Variants in CEACAM3 observed in about 807,000 individuals in gnomAD.
CEACAM3 encodes the protein cell adhesion molecule CEACAM3.
A neutral mutation model predicts 30.1 loss-of-function variants in CEACAM3; 32 were observed. That is an observed-to-expected ratio of 1.06 (90% CI 0.80 to 1.43). The LOEUF is 1.43. Ranked by LOEUF, CEACAM3 falls within the 40% of genes most tolerant of loss-of-function variation. The probability of loss-of-function intolerance (pLI) is 0.00; values close to 1 mark genes in which losing one functional copy is unlikely to be tolerated. For missense variants in CEACAM3, 290 were observed against 316.3 expected (o/e 0.92, Z 0.63); for synonymous variants, 134 against 127.2 (o/e 1.05, Z -0.36).
chr19:41,810,522 G>A (rs543380385), intron 5 of CEACAM3, among the ~76,000 whole-genome samples, 168 bp downstream of exon 5: 1 of 151,880 alleles, frequency 6.6e-6, no homozygotes, highest in East Asian at 1.9e-4. Context: ...ACAGGGTCAG[G>A]ACCACCCACG....
At position 41,808,935 on chromosome 19, in the gene CEACAM3, C is replaced by T. The variant is rs782615927; in HGVS notation, c.542+5C>T. 27 of 1,560,452 alleles carry T rather than the reference C, an allele frequency of 1.7e-5. No individual in the cohort carries two copies. The Admixed American group carries it at 5.1e-4, about 30-fold the overall frequency. On this transcript the variant is annotated splice_donor_5th_base_variant and intron_variant, in intron 3 of 6. Coordinates refer to ENST00000357396, the MANE Select transcript of CEACAM3 (RefSeq NM_001815.5). ...GCTCCTTGCCAAAACTGGAAGGTACCACAGCTTTTTCCCATCCTTCTCCCA... is the reference window on the plus strand; with the variant it reads ...GCTCCTTGCCAAAACTGGAAGGTACTACAGCTTTTTCCCATCCTTCTCCCA...
chr19:41,803,748 G>T (rs1170144203), intron 2 of CEACAM3, among the ~76,000 whole-genome samples: 1,520 of 46,120 alleles, frequency 0.033, 139 homozygotes, highest in Middle Eastern at 0.15. Flanking sequence ...TTACAGGCAT[G>T]AGCCACCATG....
At chr19:41,810,470 G>A (rs1568744471) in intron 5 of CEACAM3, 116 bp downstream of exon 5, 11 of 1,220,636 alleles carry the variant, frequency 9.0e-6, no homozygotes, top group African/African-American at 3.0e-5. Context: ...AAAACACACA[G>A]GACAAGGCTA....
rs782114647 is a variant in CEACAM3 at position 41,808,863 on chromosome 19, G to A, written c.475G>A (p.Gly159Arg). The A allele has an allele frequency of 1.8e-5, 29 of 1,610,930 alleles. No individual in the cohort carries two copies. Among genetic ancestry groups the A allele is most frequent in the Middle Eastern group, 1.7e-4 (1 of 6,058 alleles). The part of the protein sequence containing the change: ...PVGAVAGIVT[G>R]VLVGVALVAA... The stretch of plus-strand genomic sequence containing the variant: ...GGGGGCCGTCGCCGGCATCGTGACC[G>A]GGGTCCTGGTCGGAGTGGCGCTGGT... Residue 159 changes from glycine (G) to arginine (R), a missense_variant, in exon 3 of 7, where the codon GGG (glycine) becomes AGG (arginine). Coordinates refer to ENST00000357396, the MANE Select transcript of CEACAM3 (RefSeq NM_001815.5).
chr19:41,807,895 G>T (rs535051582), intron 2 of CEACAM3, among the ~76,000 whole-genome samples: 1 of 152,294 alleles, frequency 6.6e-6, no homozygotes, highest in African/African-American at 2.4e-5. Flanking sequence ...TTTGTCAGTG[G>T]AATGCTCCAG....
chr19:41,803,530 T>G (rs1285663614), intron 2 of CEACAM3, among the ~76,000 whole-genome samples: 1 of 150,704 alleles, frequency 6.6e-6, no homozygotes, highest in Admixed American at 6.7e-5. Context: ...GAAGTGATGC[T>G]ATCTCAGCTC....
At chr19:41,810,620 G>A (rs1005149610) in intron 5 of CEACAM3, among the ~76,000 whole-genome samples, 2 of 152,166 alleles carry the variant, frequency 1.3e-5, no homozygotes, top group East Asian at 3.8e-4. Context: ...GGGACCATCA[G>A]TCAGGGGCCC....
Position 41,810,115 on chromosome 19 carries a change from C to T in CEACAM3, c.595+98C>T. 3.6e-6 allele frequency: 5 copies of T among 1,378,360 alleles called. No individual in the cohort carries two copies. In the South Asian group the frequency reaches 4.8e-5, roughly 13 times the overall value. The allele number at this position is 1,378,360 out of a possible 1,614,324, so 85.4% of individuals were successfully genotyped here. A position where few individuals can be genotyped will look rare whatever the true frequency, so the allele number is the denominator to read the frequency against. On this transcript the variant is annotated intron_variant, in intron 4 of 6. Coordinates refer to ENST00000357396, the MANE Select transcript of CEACAM3 (RefSeq NM_001815.5). Reference sequence around the variant, plus strand: ...ACTGCCAGGCAGACTCTGATCCTTTCCCGGGGGCTGCAAGGAGGATCTCAT... The same window carrying T: ...ACTGCCAGGCAGACTCTGATCCTTTTCCGGGGGCTGCAAGGAGGATCTCAT...
intron 2 of CEACAM3, among the ~76,000 whole-genome samples, chr19:41,804,279 CAT>C (rs1491488685): frequency 1.8e-5 from 2 of 109,592 alleles, no homozygotes; most frequent in African/African-American, 2.5e-5. Flanking sequence ...GTTCCACACA[CAT>C]GTGTCCCTCA....
At position 41,810,852 on chromosome 19, in the gene CEACAM3, C is replaced by T; in HGVS notation, c.648C>T (p.Ala216=). The T allele has an allele frequency of 6.2e-7, 1 of 1,613,500 alleles. No individual in the cohort carries two copies. The highest frequency in any genetic ancestry group is 8.5e-7 in the Non-Finnish European group (1 of 1,179,698). Residue 216 remains alanine (A), a synonymous_variant, in exon 6 of 7, where the codon GCC becomes GCT. Transcript: ENST00000357396. The part of the protein sequence containing the change: ...SAFSMSPLST[A]QAPLPNPRTA... ...CACAGATGTCCCCTCTCTCCACTGC[C>T]CAGGCCCCCCTACCCAACCCCAGGA...
chr19:41,806,030 T>C (rs2073196920), intron 2 of CEACAM3, among the ~76,000 whole-genome samples: 1 of 151,890 alleles, frequency 6.6e-6, no homozygotes, highest in South Asian at 2.1e-4. Flanking sequence ...GTTGTTGTTG[T>C]TTGTTGTTTG....
At chr19:41,811,121 C>T in intron 6 of CEACAM3, 51 bp from the exon 7 acceptor site, 1 of 1,589,066 alleles carries the variant, frequency 6.3e-7, no homozygotes, top group Non-Finnish European at 8.6e-7. Flanking sequence ...AGACGCCACA[C>T]CCTGTTCTGA....
chr19:41,809,752 T>C, intron 3 of CEACAM3: 1 of 547,018 alleles, frequency 1.8e-6, no homozygotes, highest in Non-Finnish European at 3.3e-6. Context: ...GGCATCTGCC[T>C]GAGGGTCCTT....
At position 41,811,507 on chromosome 19, in the gene CEACAM3, C is replaced by T; in HGVS notation, c.*270C>T. 2.2e-6 allele frequency: 1 copy of T among 463,472 alleles called. No homozygotes were observed. The highest frequency in any genetic ancestry group is 4.0e-6 in the Non-Finnish European group (1 of 252,206). The allele number at this position is 463,472 out of a possible 1,614,324, so 28.7% of individuals were successfully genotyped here. ...GGAAAGTGAATGGGCCTGTGGCCCA[C>T]CTGGGGTCACTTGGAAAGGATCTGA... is the stretch of plus-strand genomic sequence containing the variant. On this transcript the variant is annotated 3_prime_UTR_variant, in exon 7 of 7. Coordinates refer to ENST00000357396, the MANE Select transcript of CEACAM3 (RefSeq NM_001815.5).
At chr19:41,806,980 C>T (rs976928156) in intron 2 of CEACAM3, 1 of 1,505,366 alleles carries the variant, frequency 6.6e-7, no homozygotes, top group Admixed American at 1.9e-5. Context: ...AGCCACCGCA[C>T]CCGGCCTTGT....
intron 2 of CEACAM3, among the ~76,000 whole-genome samples, chr19:41,803,942 A>G (rs1568740816): frequency 6.6e-6 from 1 of 152,102 alleles, no homozygotes. Flanking sequence ...TTAGCCAGGC[A>G]TGATGACAGA....
chr19:41,798,181 G>A (rs569113726), intron 2 of CEACAM3: 4 of 695,932 alleles, frequency 5.7e-6, no homozygotes, highest in Non-Finnish European at 4.5e-6. Context: ...CTGATGGGGG[G>A]ACTCAGCAGG....
At chr19:41,805,118 T>C (rs1225800654) in intron 2 of CEACAM3, among the ~76,000 whole-genome samples, 5 of 152,026 alleles carry the variant, frequency 3.3e-5, no homozygotes, top group African/African-American at 7.2e-5. Flanking sequence ...CAAAACACTT[T>C]TGCTCTTATG....
chr19:41,803,713 G>GGT lies in CEACAM3; in HGVS notation c.425-5100_425-5099insGT, dbSNP rs2073174793. Among the ~76,000 whole-genome samples, 3 of 105,554 alleles carry GGT rather than the reference G, an allele frequency of 2.8e-5. 1 individual carries two copies. The highest frequency in any genetic ancestry group is 9.5e-5 in the Admixed American group (1 of 10,500). The allele number at this position is 105,554 out of a possible 152,430, so 69.2% of individuals were successfully genotyped here. On this transcript the variant is annotated intron_variant, in intron 2 of 6. Transcript: ENST00000357396. ...GACCTCCCAACCTCATGATCTGCCC[G>GGT]CCTTGGCCTCCAAAAGTGCTGGGAT...
Sources: gnomAD v4.1 joint callset for allele counts (sites outside exome capture counted in the v4.1 genomes callset) on GRCh38, gnomAD v4.1.1 for gene constraint, MANE v1.5 for transcripts, NCBI Gene and HGNC (gene_info 2026-07-23, HGNC 2026-07-21) for gene names.